APOOL: variants seen among roughly 807,000 people sequenced by gnomAD.
The protein encoded by APOOL is apolipoprotein O like, also known as MICOS complex subunit MIC27.
APOOL carries 12 observed loss-of-function variants against 23.1 expected under a neutral mutation model. That is an observed-to-expected ratio of 0.52 (90% CI 0.33 to 0.84). The LOEUF (loss-of-function observed/expected upper bound fraction) is 0.84, where lower values mean the gene tolerates loss of function less well. APOOL is among the 40% of genes least tolerant of loss of function. The pLI is 0.02. For synonymous variants in APOOL, 77 were observed against 69.9 expected, an observed-to-expected ratio of 1.10 and a Z score of -0.51; for missense variants, 212 against 199.6, an observed-to-expected ratio of 1.06 and a Z score of -0.37.
intron 1 of APOOL, among the ~76,000 whole-genome samples, chrX:85,034,003 C>T (rs1457026606): frequency 1.8e-5 from 2 of 111,504 alleles, no homozygotes; most frequent in Non-Finnish European, 3.8e-5. Context: ...ACCTCTAACA[C>T]TCAGCTCTTG....
intron 1 of APOOL, among the ~76,000 whole-genome samples, chrX:85,018,578 C>CT (rs376254539): frequency 0.024 from 2,560 of 104,879 alleles, 72 homozygotes; most frequent in African/African-American, 0.083. Context: ...ATTTTTCATT[C>CT]TTTTTTTTTT....
intron 2 of APOOL, among the ~76,000 whole-genome samples, chrX:85,048,557 T>C (rs2039473082): frequency 8.9e-6 from 1 of 112,291 alleles, no homozygotes; most frequent in Admixed American, 9.5e-5. Context: ...CTAGGAACTA[T>C]ACACAAAGTC....
At chrX:85,010,759 TG>T (rs1323577435) in intron 1 of APOOL, among the ~76,000 whole-genome samples, 1 of 112,304 alleles carries the variant, frequency 8.9e-6, no homozygotes, top group Non-Finnish European at 1.9e-5. Context: ...GATGGGCATT[TG>T]GGTTGGTTAC....
chrX:85,016,830 A>G (rs1471110859), intron 1 of APOOL, among the ~76,000 whole-genome samples: 1 of 112,492 alleles, frequency 8.9e-6, no homozygotes, highest in Non-Finnish European at 1.9e-5. Flanking sequence ...CCTGCTGTTC[A>G]GATTCTTTTA....
intron 1 of APOOL, among the ~76,000 whole-genome samples, chrX:85,022,098 AAAAGTCTGTC>A (rs1051951970): frequency 8.9e-6 from 1 of 112,438 alleles, no homozygotes; most frequent in African/African-American, 3.2e-5. Context: ...GTCACTTGTA[AAAAGTCTGTC>A]AAAGAAAAGC....
chrX:85,027,742 G>A lies in APOOL; in HGVS notation c.16-18704G>A, dbSNP rs187396553. On this transcript the variant is annotated intron_variant, in intron 1 of 8. Transcript: ENST00000373173. ...CGCCATGAATGCCATTGCCTCCCAC[G>A]CTTCTTACCAAGTTCTATAGATTTT... Among the ~76,000 whole-genome samples, 61 of 111,928 alleles carry A rather than the reference G, an allele frequency of 5.4e-4. 1 individual carries two copies. The highest frequency in any genetic ancestry group is 1.8e-3 in the African/African-American group (57 of 30,881).
chrX:85,071,398 G>C (rs909677690), intron 6 of APOOL, among the ~76,000 whole-genome samples: 1 of 110,239 alleles, frequency 9.1e-6, no homozygotes, highest in Non-Finnish European at 1.9e-5. Flanking sequence ...ATTGATACGT[G>C]GTACAGGTGG....
At chrX:85,012,396 T>G (rs1921320485) in intron 1 of APOOL, among the ~76,000 whole-genome samples, 1 of 111,656 alleles carries the variant, frequency 9.0e-6, no homozygotes, top group Non-Finnish European at 1.9e-5. Flanking sequence ...ATAGAAGTGG[T>G]GACAGTGGTT....
At chrX:85,086,739 T>A (rs1260585640) in intron 8 of APOOL, among the ~76,000 whole-genome samples, 2 of 99,337 alleles carry the variant, frequency 2.0e-5, no homozygotes, top group African/African-American at 3.7e-5. Context: ...TCGCTGTGTC[T>A]CCCAGGTTGG....
Position 85,019,764 on chromosome X carries a change from C to T in APOOL, c.15+15837C>T, listed in dbSNP as rs368004405. The stretch of plus-strand genomic sequence containing the variant: ...AGGACATTCCACAATGACTTGACCT[C>T]ATGGGGAAGGGATATAACAGTAACA... On this transcript the variant is annotated intron_variant, in intron 1 of 8. Coordinates refer to ENST00000373173, the MANE Select transcript of APOOL (RefSeq NM_198450.6). Among the ~76,000 whole-genome samples the T allele has an allele frequency of 8.9e-5, 10 of 111,878 alleles. No homozygotes were observed. In the East Asian group the frequency reaches 2.3e-3, roughly 25 times the overall value.
chrX:85,003,978 G>A (rs2042788876), intron 1 of APOOL, 51 bp downstream of exon 1: 5 of 1,201,407 alleles, frequency 4.2e-6, no homozygotes, highest in Admixed American at 2.2e-5. Context: ...TAGCATCCCG[G>A]TAACTGTAAA....
At chrX:85,032,649 G>C (rs1922081014) in intron 1 of APOOL, among the ~76,000 whole-genome samples, 1 of 111,469 alleles carries the variant, frequency 9.0e-6, no homozygotes, top group African/African-American at 3.3e-5. Flanking sequence ...ATATTACCCA[G>C]TAATAATTGC....
At chrX:85,061,907 C>T (rs1160449332) in intron 5 of APOOL, among the ~76,000 whole-genome samples, 1 of 110,960 alleles carries the variant, frequency 9.0e-6, no homozygotes, top group Admixed American at 9.7e-5. Context: ...TTAGTTATTT[C>T]GTGCCTTCTG....
At chrX:85,030,789 A>G (rs1484801249) in intron 1 of APOOL, among the ~76,000 whole-genome samples, 1 of 111,529 alleles carries the variant, frequency 9.0e-6, no homozygotes, top group African/African-American at 3.3e-5. Context: ...AAGATGAAAA[A>G]GTACATATTA....
chrX:85,082,732 G>C (rs1487616349), intron 8 of APOOL, among the ~76,000 whole-genome samples: 3 of 111,918 alleles, frequency 2.7e-5, no homozygotes, highest in African/African-American at 9.7e-5. Context: ...ACTTGTGACA[G>C]AGACCATATG....
rs1924449229 is a variant in APOOL, at chrX:85,088,741, G to C, written c.*1063G>C. On this transcript the variant is annotated 3_prime_UTR_variant, in exon 9 of 9. Transcript: ENST00000373173. The stretch of plus-strand genomic sequence containing the variant: ...TTTTCTAAGACATGCTTCTCTTTGT[G>C]TTCTTGACCTCATTCCTTCCCATCT... 9.1e-6 allele frequency: 1 copy of C among 110,217 alleles called. No individual in the cohort carries two copies. Among genetic ancestry groups the C allele is most frequent in the Non-Finnish European group, 1.9e-5 (1 of 52,791 alleles). The allele number at this position is 110,217 out of a possible 1,213,427, so 9.1% of individuals were successfully genotyped here.
At chrX:85,085,110 A>C (rs1242819984) in intron 8 of APOOL, among the ~76,000 whole-genome samples, 1 of 111,969 alleles carries the variant, frequency 8.9e-6, no homozygotes, top group Admixed American at 9.5e-5. Flanking sequence ...AACTTCCTTA[A>C]GTGTATTAAA....
intron 5 of APOOL, 84 bp from the exon 6 acceptor site, chrX:85,067,043 G>C: frequency 1.7e-6 from 1 of 578,955 alleles, no homozygotes; most frequent in Non-Finnish European, 2.7e-6. Context: ...CTTACCAGGA[G>C]AGCAAAGAAA....
Position 85,030,883 on chromosome X carries a change from C to A in APOOL, c.16-15563C>A, listed in dbSNP as rs189356136. ...TACAATTCACCCATGTACACAAAAA[C>A]CACTTGTACTCCAAAAACTATTGAA... On this transcript the variant is annotated intron_variant, in intron 1 of 8. Transcript: ENST00000373173. Among the ~76,000 whole-genome samples the A allele has an allele frequency of 2.6e-4, 29 of 111,785 alleles. No homozygotes were observed. In the East Asian group the frequency reaches 8.2e-3, roughly 32 times the overall value.
Sources: gnomAD v4.1 joint callset for allele counts (sites outside exome capture counted in the v4.1 genomes callset) on GRCh38, gnomAD v4.1.1 for gene constraint, MANE v1.5 for transcripts, NCBI Gene and HGNC (gene_info 2026-07-23, HGNC 2026-07-21) for gene names.